TIAM1: variants seen among roughly 807,000 people sequenced by gnomAD.
The protein encoded by TIAM1 is TIAM Rac1 associated GEF 1, also known as rho guanine nucleotide exchange factor TIAM1.
A neutral mutation model predicts 163.5 loss-of-function variants in TIAM1; 65 were observed. That is an observed-to-expected ratio of 0.40 (90% CI 0.33 to 0.49). The LOEUF (loss-of-function observed/expected upper bound fraction) is 0.49. TIAM1 is among the 20% of genes least tolerant of loss of function. The pLI, the probability that TIAM1 is intolerant of heterozygous loss-of-function variation, is 0.77. For missense variants in TIAM1, 1,789 were observed against 2,044.7 expected (o/e 0.87, Z 2.41); for synonymous variants, 833 against 810.1 (o/e 1.03, Z -0.48).
chr21:31,457,635 T>C (rs1602327170), intron 2 of TIAM1, among the ~76,000 whole-genome samples: 1 of 152,218 alleles, frequency 6.6e-6, no homozygotes, highest in Non-Finnish European at 1.5e-5. Flanking sequence ...TTGAATAACA[T>C]GCTATGTTTC....
At chr21:31,394,087 A>G (rs1003214791) in intron 2 of TIAM1, among the ~76,000 whole-genome samples, 6 of 152,246 alleles carry the variant, frequency 3.9e-5, no homozygotes, top group Non-Finnish European at 7.3e-5. Flanking sequence ...AATTGCTAAA[A>G]CTAGGAAGCA....
At chr21:31,310,693 C>T (rs1277570886) in intron 2 of TIAM1, among the ~76,000 whole-genome samples, 1 of 152,170 alleles carries the variant, frequency 6.6e-6, no homozygotes, top group Non-Finnish European at 1.5e-5. Flanking sequence ...GAAAACGCTA[C>T]CTACTGCATT....
At chr21:31,332,467 C>A (rs1046493750) in intron 2 of TIAM1, among the ~76,000 whole-genome samples, 1 of 152,142 alleles carries the variant, frequency 6.6e-6, no homozygotes, top group Non-Finnish European at 1.5e-5. Flanking sequence ...GGTCTCCTGA[C>A]CTCTTTCTAG....
At position 31,503,326 on chromosome 21, in the gene TIAM1, T is replaced by C. The variant is rs537831588; in HGVS notation, c.-421-39291A>G. On this transcript the variant is annotated intron_variant, in intron 1 of 28. Transcript: ENST00000286827. The stretch of plus-strand genomic sequence containing the variant: ...ACAAGAATCACTTGAACCCGGGAGG[T>C]GGAGGTTGCAGTGAGCCGAGATTGT... Among the ~76,000 whole-genome samples, 10 of 149,000 alleles carry C rather than the reference T, an allele frequency of 6.7e-5. No homozygotes were observed. The South Asian group carries it at 2.2e-3, about 32-fold the overall frequency.
At chr21:31,556,297 G>A (rs1446313431) in intron 1 of TIAM1, among the ~76,000 whole-genome samples, 3 of 152,302 alleles carry the variant, frequency 2.0e-5, no homozygotes, top group East Asian at 3.9e-4. Context: ...ATCAACAGCC[G>A]AATAGGGGTT....
chr21:31,380,666 TA>T (rs1166656503), intron 2 of TIAM1, among the ~76,000 whole-genome samples: 1 of 152,190 alleles, frequency 6.6e-6, no homozygotes, highest in Non-Finnish European at 1.5e-5. Context: ...AGCTGTTTTT[TA>T]AAAAATCCAT....
upstream of TIAM1, among the ~76,000 whole-genome samples, chr21:31,345,536 G>A (rs1283654716): frequency 2.0e-5 from 3 of 151,826 alleles, no homozygotes; most frequent in Non-Finnish European, 4.4e-5. Flanking sequence ...AGAGATGGCT[G>A]GTTCATCTTT....
chr21:31,466,393 C>G (rs2045533169), intron 1 of TIAM1, among the ~76,000 whole-genome samples: 2 of 150,232 alleles, frequency 1.3e-5, no homozygotes, highest in Non-Finnish European at 2.9e-5. Context: ...CAGGTGTGAT[C>G]AGATATCCAG....
chr21:31,474,833 C>T (rs1422856357), intron 1 of TIAM1, among the ~76,000 whole-genome samples: 1 of 151,608 alleles, frequency 6.6e-6, no homozygotes, highest in Non-Finnish European at 1.5e-5. Context: ...GGCCACCGCT[C>T]CCAGCCAACC....
chr21:31,253,720 C>T (rs1371336436), intron 4 of TIAM1, among the ~76,000 whole-genome samples: 1 of 152,206 alleles, frequency 6.6e-6, no homozygotes, highest in East Asian at 1.9e-4. Context: ...AAAGAAACCA[C>T]GAATGCAGCT....
At chr21:31,272,349 A>C (rs535187080) in intron 3 of TIAM1, among the ~76,000 whole-genome samples, 2 of 152,316 alleles carry the variant, frequency 1.3e-5, no homozygotes, top group African/African-American at 4.8e-5. Context: ...AGGAATTAAA[A>C]GGTATTTTAA....
At chr21:31,127,933 G>A (rs540062888) in intron 25 of TIAM1, among the ~76,000 whole-genome samples, 28 of 152,220 alleles carry the variant, frequency 1.8e-4, no homozygotes, top group East Asian at 3.9e-4. Flanking sequence ...TGGGTTTCTC[G>A]TCCCCAGCCT....
chr21:31,128,301 T>A (rs1338265391), intron 25 of TIAM1, among the ~76,000 whole-genome samples: 1 of 152,210 alleles, frequency 6.6e-6, no homozygotes. Context: ...ATGAAAGACA[T>A]CTTGACTAGC....
intron 2 of TIAM1, among the ~76,000 whole-genome samples, chr21:31,388,011 G>A (rs575351231): frequency 4.6e-5 from 7 of 152,132 alleles, no homozygotes; most frequent in African/African-American, 1.4e-4. Context: ...TCACTCTGTT[G>A]CTCAGGCTTT....
intron 2 of TIAM1, among the ~76,000 whole-genome samples, chr21:31,421,819 A>G (rs1374837722): frequency 6.6e-6 from 1 of 152,050 alleles, no homozygotes; most frequent in African/African-American, 2.4e-5. Context: ...GTGAGACCCT[A>G]TCTCTACAAA....
chr21:31,148,915 G>C (rs983920952), intron 19 of TIAM1, among the ~76,000 whole-genome samples: 1 of 151,750 alleles, frequency 6.6e-6, no homozygotes, highest in Non-Finnish European at 1.5e-5. Flanking sequence ...CTTGAGACTA[G>C]TGCTCTATGC....
chr21:31,440,849 C>T (rs1602285324), intron 2 of TIAM1, among the ~76,000 whole-genome samples: 2 of 152,118 alleles, frequency 1.3e-5, no homozygotes, highest in Non-Finnish European at 2.9e-5. Flanking sequence ...CCATTGCACT[C>T]CAGCCTGGCA....
At chr21:31,301,166 T>C (rs1286843377) in intron 2 of TIAM1, among the ~76,000 whole-genome samples, 1 of 152,164 alleles carries the variant, frequency 6.6e-6, no homozygotes, top group Non-Finnish European at 1.5e-5. Flanking sequence ...AGAATGGAAG[T>C]TGTATCAGCT....
chr21:31,454,414 T>C (rs1471211631), intron 2 of TIAM1, among the ~76,000 whole-genome samples: 2 of 152,224 alleles, frequency 1.3e-5, no homozygotes, highest in African/African-American at 4.8e-5. Context: ...TCCTTTCTTA[T>C]ATATGTAAAA....
Sources: allele counts gnomAD v4.1 joint callset (sites outside exome capture counted in the v4.1 genomes callset), GRCh38; gene constraint gnomAD v4.1.1; transcripts MANE v1.5; gene names NCBI Gene and HGNC (gene_info 2026-07-23, HGNC 2026-07-21).